The following MDGA2 variants were observed in gnomAD, a reference collection of about 807,000 sequenced individuals.
The protein encoded by MDGA2 is MAM domain containing glycosylphosphatidylinositol anchor 2.
A neutral mutation model predicts 117.8 loss-of-function variants in MDGA2; 40 were observed. That is an observed-to-expected ratio of 0.34 (90% CI 0.26 to 0.44). MDGA2 has a LOEUF of 0.44. Ranked by LOEUF, MDGA2 falls within the 20% of genes least tolerant of loss-of-function variation. MDGA2 has a pLI of 1.00. For missense variants in MDGA2, 1,123 were observed against 1,250.6 expected (o/e 0.90, Z 1.54); for synonymous variants, 452 against 439.0 (o/e 1.03, Z -0.37).
chr14:47,449,655 G>C (rs2000030), intron 1 of MDGA2, among the ~76,000 whole-genome samples: 103,152 of 151,920 alleles, frequency 0.68, 35,515 homozygotes, highest in African/African-American at 0.79. Flanking sequence ...TAACTAACTA[G>C]ATAGCCAAAA....
intron 1 of MDGA2, among the ~76,000 whole-genome samples, chr14:47,630,711 T>C (rs1368630937): frequency 6.6e-6 from 1 of 152,176 alleles, no homozygotes; most frequent in Admixed American, 6.5e-5. Context: ...ATCTAGAGTA[T>C]CTATTCTCTA....
At chr14:47,219,332 C>G (rs2139516217) in intron 2 of MDGA2, among the ~76,000 whole-genome samples, 2 of 150,628 alleles carry the variant, frequency 1.3e-5, no homozygotes, top group Admixed American at 1.3e-4. Flanking sequence ...ACCACGTTTG[C>G]CCTTAATTGT....
At chr14:47,001,152 T>G (rs900142897) in intron 8 of MDGA2, among the ~76,000 whole-genome samples, 70 of 151,934 alleles carry the variant, frequency 4.6e-4, no homozygotes, top group African/African-American at 1.7e-3. Flanking sequence ...TGGAAAAAAT[T>G]TCAAGCCATT....
chr14:47,508,777 T>A (rs1369085679), intron 1 of MDGA2, among the ~76,000 whole-genome samples: 68 of 152,136 alleles, frequency 4.5e-4, no homozygotes, highest in Admixed American at 4.5e-3. Flanking sequence ...CCTCCCGGGT[T>A]CATGCCATTC....
chr14:47,341,837 C>A (rs961516705), intron 1 of MDGA2, among the ~76,000 whole-genome samples: 1 of 151,976 alleles, frequency 6.6e-6, no homozygotes, highest in Non-Finnish European at 1.5e-5. Context: ...AACCTGGCTT[C>A]TTTCTTTGTC....
chr14:46,895,389 T>C (rs1204970154), intron 10 of MDGA2, among the ~76,000 whole-genome samples: 1 of 152,194 alleles, frequency 6.6e-6, no homozygotes, highest in Non-Finnish European at 1.5e-5. Context: ...GTATCTATTT[T>C]ATATAAGGGG....
chr14:47,306,857 G>C (rs1889466265), intron 1 of MDGA2, among the ~76,000 whole-genome samples: 4 of 151,870 alleles, frequency 2.6e-5, no homozygotes, highest in Admixed American at 2.0e-4. Flanking sequence ...GAGAGAGAGA[G>C]AGAGAGAGAG....
intron 10 of MDGA2, among the ~76,000 whole-genome samples, chr14:46,905,182 T>C (rs1487468302): frequency 6.6e-6 from 1 of 152,106 alleles, no homozygotes; most frequent in Non-Finnish European, 1.5e-5. Flanking sequence ...TTAAAGTGAG[T>C]CCTGGAAAAC....
At chr14:47,014,076 T>C (rs947877899) in intron 8 of MDGA2, among the ~76,000 whole-genome samples, 1 of 151,976 alleles carries the variant, frequency 6.6e-6, no homozygotes. Context: ...ATTACAGGCT[T>C]GAGCCACTGC....
intron 14 of MDGA2, among the ~76,000 whole-genome samples, chr14:46,867,483 G>A (rs2138344201): frequency 6.6e-6 from 1 of 152,138 alleles, no homozygotes; most frequent in East Asian, 1.9e-4. Context: ...CATGGCACAT[G>A]TATACATATG....
At chr14:47,155,686 G>A (rs1251674594) in intron 3 of MDGA2, among the ~76,000 whole-genome samples, 1 of 151,942 alleles carries the variant, frequency 6.6e-6, no homozygotes, top group African/African-American at 2.4e-5. Context: ...CCCTTGACAG[G>A]TGTGAGATCC....
intron 1 of MDGA2, among the ~76,000 whole-genome samples, chr14:47,595,672 T>C (rs1361687383): frequency 1.3e-5 from 2 of 151,928 alleles, no homozygotes; most frequent in Non-Finnish European, 2.9e-5. Context: ...GAGGCATGAA[T>C]TATATTCTTT....
intron 5 of MDGA2, among the ~76,000 whole-genome samples, chr14:47,106,119 C>T (rs1880658016): frequency 6.6e-6 from 1 of 152,108 alleles, no homozygotes; most frequent in South Asian, 2.1e-4. Context: ...AAAAATCCAG[C>T]CCAGTTCATG....
chr14:47,250,961 T>C lies in MDGA2; in HGVS notation c.421-32766A>G, dbSNP rs77904952. 7.2e-5 allele frequency among the ~76,000 whole-genome samples: 11 copies of C among 152,332 alleles called. No homozygotes were observed. The East Asian group carries it at 2.1e-3, about 29-fold the overall frequency. On this transcript the variant is annotated intron_variant, in intron 2 of 16. Transcript: ENST00000399232. The stretch of plus-strand genomic sequence containing the variant: ...CACTATTATTATCTCACCTGAAATA[T>C]ATCAGTCACTTCTTACTGGGTTGAT...
intron 5 of MDGA2, among the ~76,000 whole-genome samples, chr14:47,108,405 G>A (rs373399155): frequency 0.013 from 1,910 of 150,742 alleles, 9 homozygotes; most frequent in Middle Eastern, 0.034. Context: ...AAGAATCACA[G>A]AAGAAGTGAA....
At chr14:47,178,885 T>C (rs1884587622) in intron 3 of MDGA2, among the ~76,000 whole-genome samples, 6 of 152,118 alleles carry the variant, frequency 3.9e-5, no homozygotes, top group Admixed American at 2.6e-4. Context: ...CAGTATACTG[T>C]TGTATACAGT....
intron 1 of MDGA2, among the ~76,000 whole-genome samples, chr14:47,667,480 C>T (rs1037294850): frequency 1.2e-4 from 19 of 152,318 alleles, no homozygotes; most frequent in African/African-American, 4.6e-4. Context: ...CCTTTCCTTT[C>T]AGGACACCAG....
At position 47,555,571 on chromosome 14, in the gene MDGA2, G is replaced by A. The variant is rs982399639; in HGVS notation, c.280+118946C>T. 3.3e-5 allele frequency among the ~76,000 whole-genome samples: 5 copies of A among 152,254 alleles called. No homozygotes were observed. In the South Asian group the frequency reaches 1.0e-3, roughly 32 times the overall value. Reference sequence around the variant, plus strand: ...GAAGGAAGACTCAAGAGGCAGGAATGTAAGTAACAATCCACCACAATCATA... The same window carrying A: ...GAAGGAAGACTCAAGAGGCAGGAATATAAGTAACAATCCACCACAATCATA... On this transcript the variant is annotated intron_variant, in intron 1 of 16. Coordinates refer to ENST00000399232, the MANE Select transcript of MDGA2 (RefSeq NM_001113498.3).
At chr14:47,066,417 G>T (rs1034782241) in intron 6 of MDGA2, among the ~76,000 whole-genome samples, 2 of 152,064 alleles carry the variant, frequency 1.3e-5, no homozygotes, top group Non-Finnish European at 2.9e-5. Context: ...AAATAGAATA[G>T]GAAAAAGAAC....
Sources: allele counts gnomAD v4.1 joint callset (sites outside exome capture counted in the v4.1 genomes callset), GRCh38; gene constraint gnomAD v4.1.1; transcripts MANE v1.5; gene names NCBI Gene and HGNC (gene_info 2026-07-23, HGNC 2026-07-21).